CCDC7: variants seen among roughly 807,000 people sequenced by gnomAD.
The protein encoded by CCDC7 is coiled-coil domain-containing protein 7.
A neutral mutation model predicts 196.9 loss-of-function variants in CCDC7; 183 were observed. That is an observed-to-expected ratio of 0.93 (90% confidence interval 0.82 to 1.05). The LOEUF is 1.05. Ranked by LOEUF, CCDC7 falls within the 50% of genes least tolerant of loss-of-function variation. The pLI, the probability that CCDC7 is intolerant of heterozygous loss-of-function variation, is 0.00. For missense variants in CCDC7, 1,540 were observed against 1,482.2 expected (o/e 1.04, Z -0.64); for synonymous variants, 525 against 484.6 (o/e 1.08, Z -1.10).
intron 18 of CCDC7, among the ~76,000 whole-genome samples, chr10:32,601,921 G>A (rs1384431774): frequency 3.3e-5 from 5 of 152,174 alleles, no homozygotes. Flanking sequence ...AGCACTCTGT[G>A]AAATGGATCA....
At chr10:32,513,587 C>T (rs2046563938) in intron 9 of CCDC7, 1 of 152,002 alleles carries the variant, frequency 6.6e-6, no homozygotes, top group Non-Finnish European at 1.5e-5. Context: ...TGAATATGAA[C>T]ATGAAAATCC....
chr10:32,789,949 C>T (rs72782287), intron 29 of CCDC7, among the ~76,000 whole-genome samples: 13,102 of 152,268 alleles, frequency 0.086, 852 homozygotes, highest in East Asian at 0.33. Context: ...AACGTTAAAT[C>T]TTAAAACTAG....
intron 29 of CCDC7, among the ~76,000 whole-genome samples, chr10:32,803,302 T>A (rs1202575572): frequency 5.3e-5 from 8 of 152,190 alleles, no homozygotes; most frequent in African/African-American, 1.9e-4. Flanking sequence ...CTTTGTTGAT[T>A]TTCTGTCTAG....
chr10:32,665,810 T>C (rs1398118382), intron 21 of CCDC7, among the ~76,000 whole-genome samples: 2 of 152,068 alleles, frequency 1.3e-5, no homozygotes. Flanking sequence ...TTTAACAATA[T>C]TAATTCTTCC....
At chr10:32,493,313 A>G (rs750248781) in intron 9 of CCDC7, among the ~76,000 whole-genome samples, 2 of 151,604 alleles carry the variant, frequency 1.3e-5, no homozygotes, top group Admixed American at 6.6e-5. Flanking sequence ...AGTTTCATCC[A>G]TGTTGTTGCA....
intron 18 of CCDC7, among the ~76,000 whole-genome samples, chr10:32,592,666 A>G (rs983974232): frequency 2.6e-5 from 4 of 152,232 alleles, no homozygotes; most frequent in East Asian, 3.9e-4. Context: ...CGTCATTTAC[A>G]TTAGGTATAT....
chr10:32,718,349 A>G (rs1417909802), intron 25 of CCDC7, among the ~76,000 whole-genome samples: 2 of 152,182 alleles, frequency 1.3e-5, no homozygotes, highest in African/African-American at 2.4e-5. Context: ...CACTCAATAA[A>G]CTAGGTAATG....
At chr10:32,561,281 A>C (rs1453704725) in intron 13 of CCDC7, among the ~76,000 whole-genome samples, 2 of 152,100 alleles carry the variant, frequency 1.3e-5, no homozygotes, top group East Asian at 3.9e-4. Context: ...AATTGAACTC[A>C]GCTCTGCACC....
chr10:32,811,149 A>G (rs1050125905), intron 30 of CCDC7, among the ~76,000 whole-genome samples: 1 of 152,046 alleles, frequency 6.6e-6, no homozygotes, highest in Non-Finnish European at 1.5e-5. Context: ...TTAATAGAAG[A>G]AAAGCAAAAA....
intron 24 of CCDC7, among the ~76,000 whole-genome samples, chr10:32,701,247 TGA>T (rs2078668935): frequency 1.3e-5 from 2 of 152,188 alleles, no homozygotes; most frequent in African/African-American, 4.8e-5. Flanking sequence ...CCTAATTTAT[TGA>T]GAGTTTTTAG....
intron 18 of CCDC7, among the ~76,000 whole-genome samples, chr10:32,617,177 T>C (rs1232313113): frequency 6.6e-6 from 1 of 151,914 alleles, no homozygotes; most frequent in East Asian, 1.9e-4. Context: ...AGATCTTGTC[T>C]CTTCTTTTCT....
chr10:32,463,860 T>A (rs1221157788), intron 5 of CCDC7, among the ~76,000 whole-genome samples: 1 of 152,208 alleles, frequency 6.6e-6, no homozygotes, highest in Non-Finnish European at 1.5e-5. Flanking sequence ...TTAGGATACA[T>A]TTGACTGACA....
intron 11 of CCDC7, among the ~76,000 whole-genome samples, chr10:32,520,803 A>G (rs1229989191): frequency 6.6e-6 from 1 of 152,112 alleles, no homozygotes; most frequent in Admixed American, 6.5e-5. Context: ...GCACAGACCA[A>G]TATGCTAGAG....
At chr10:32,671,166 C>T (rs892006784) in intron 21 of CCDC7, among the ~76,000 whole-genome samples, 4 of 152,062 alleles carry the variant, frequency 2.6e-5, no homozygotes, top group African/African-American at 9.7e-5. Flanking sequence ...TAGGCCTTGA[C>T]ATTCACCACT....
chr10:32,583,083 C>T, exon 17 of CCDC7: 1 of 1,231,252 alleles, frequency 8.1e-7, no homozygotes, highest in Non-Finnish European at 1.0e-6. Context: ...TTCACAGATC[C>T]TTAAGTCTCA....
upstream of CCDC7, among the ~76,000 whole-genome samples, chr10:32,447,998 G>C (rs934975435): frequency 6.6e-6 from 1 of 152,160 alleles, no homozygotes; most frequent in African/African-American, 2.4e-5. Flanking sequence ...ATTTCCAAGA[G>C]AGCATTGTGT....
At chr10:32,777,055 C>G (rs544982519) in intron 28 of CCDC7, among the ~76,000 whole-genome samples, 51 of 152,238 alleles carry the variant, frequency 3.4e-4, no homozygotes, top group Non-Finnish European at 6.3e-4. Flanking sequence ...TCTTCCTCCC[C>G]CTTTTAGTAT....
At chr10:32,848,410 C>T (rs1415757425) in intron 38 of CCDC7, among the ~76,000 whole-genome samples, 186 bp from the exon 40 acceptor site, 1 of 151,746 alleles carries the variant, frequency 6.6e-6, no homozygotes, top group Non-Finnish European at 1.5e-5. Flanking sequence ...GAATGCAGAA[C>T]AAAGACAAGA....
At chr10:32,809,366 A>T (rs562310248) in intron 30 of CCDC7, among the ~76,000 whole-genome samples, 1 of 152,328 alleles carries the variant, frequency 6.6e-6, no homozygotes, top group African/African-American at 2.4e-5. Context: ...TGAAAAATTT[A>T]TTAAAGAGGT....
Sources: allele counts gnomAD v4.1 joint callset (sites outside exome capture counted in the v4.1 genomes callset), GRCh38; gene constraint gnomAD v4.1.1; transcripts MANE v1.5; gene names NCBI Gene and HGNC (gene_info 2026-07-23, HGNC 2026-07-21).